CHKA: variants seen among roughly 807,000 people sequenced by gnomAD.
CHKA encodes choline kinase alpha, also known as CHETK-alpha.
CHKA carries 34 observed loss-of-function variants against 60.1 expected under a neutral mutation model. That is an observed-to-expected ratio of 0.57 (90% CI 0.43 to 0.75). CHKA has a LOEUF of 0.75. CHKA is among the 30% of genes least tolerant of loss of function. The probability of loss-of-function intolerance (pLI) is 0.00; values close to 1 mark genes in which losing one functional copy is unlikely to be tolerated. For missense variants in CHKA, 563 were observed against 561.3 expected, an observed-to-expected ratio of 1.00 and a Z score of -0.03; for synonymous variants, 217 against 223.1, an observed-to-expected ratio of 0.97 and a Z score of 0.24.
chr11:68,054,604 C>T (rs554576270), intron 11 of CHKA, among the ~76,000 whole-genome samples: 2 of 152,316 alleles, frequency 1.3e-5, no homozygotes, highest in Admixed American at 1.3e-4. Flanking sequence ...ACAACACAAT[C>T]TCAAAGACCC....
At chr11:68,111,492 T>C (rs1390177117) in intron 1 of CHKA, among the ~76,000 whole-genome samples, 1 of 151,022 alleles carries the variant, frequency 6.6e-6, no homozygotes, top group Non-Finnish European at 1.5e-5. Flanking sequence ...GGCATGAGAA[T>C]CACTTGAACC....
intron 3 of CHKA, among the ~76,000 whole-genome samples, chr11:68,076,944 G>A (rs1470331604): frequency 3.9e-5 from 6 of 152,188 alleles, no homozygotes. Context: ...GATTTGGAGA[G>A]GAAGAAAATG....
At chr11:68,092,440 A>C (rs548822413) in intron 2 of CHKA, among the ~76,000 whole-genome samples, 1 of 152,328 alleles carries the variant, frequency 6.6e-6, no homozygotes, top group Non-Finnish European at 1.5e-5. Context: ...ATCACAGCAA[A>C]AATAAATAAT....
intron 7 of CHKA, among the ~76,000 whole-genome samples, chr11:68,067,329 G>A (rs1856478009): frequency 6.6e-6 from 1 of 152,208 alleles, no homozygotes; most frequent in Non-Finnish European, 1.5e-5. Context: ...CAGAAAACGT[G>A]TATTGGCTCA....
intron 1 of CHKA, among the ~76,000 whole-genome samples, chr11:68,110,635 G>A (rs1858097004): frequency 6.6e-6 from 1 of 152,116 alleles, no homozygotes; most frequent in South Asian, 2.1e-4. Context: ...AACTTGATCT[G>A]TAGATTTAAT....
At chr11:68,073,802 G>A (rs1451535423) in intron 4 of CHKA, among the ~76,000 whole-genome samples, 1 of 152,150 alleles carries the variant, frequency 6.6e-6, no homozygotes, top group African/African-American at 2.4e-5. Flanking sequence ...GGGCAGCCCT[G>A]GACATGCCCA....
chr11:68,101,205 C>A (rs1857707597), intron 1 of CHKA, among the ~76,000 whole-genome samples: 1 of 151,984 alleles, frequency 6.6e-6, no homozygotes, highest in Non-Finnish European at 1.5e-5. Flanking sequence ...GTCTCAGCCC[C>A]CCAAAGTGCT....
At chr11:68,088,054 C>A (rs139378511) in intron 2 of CHKA, among the ~76,000 whole-genome samples, 3 of 138,602 alleles carry the variant, frequency 2.2e-5, no homozygotes, top group African/African-American at 8.1e-5. Context: ...CAGAGGTTGC[C>A]GCGAGCTAAG....
chr11:68,088,388 G>A (rs1331382802), intron 2 of CHKA, among the ~76,000 whole-genome samples: 2 of 151,930 alleles, frequency 1.3e-5, no homozygotes, highest in East Asian at 1.9e-4. Context: ...CTGTGGCTTC[G>A]GAGACCCTTA....
chr11:68,081,325 CT>C, intron 3 of CHKA, 78 bp downstream of exon 3: 1 of 1,179,432 alleles, frequency 8.5e-7, no homozygotes, highest in African/African-American at 1.5e-5. Context: ...ATAAGAGGCA[CT>C]GCCAAGCCCT....
At chr11:68,108,233 G>A (rs1365533636) in intron 1 of CHKA, among the ~76,000 whole-genome samples, 2 of 152,082 alleles carry the variant, frequency 1.3e-5, no homozygotes, top group African/African-American at 4.8e-5. Context: ...TGGGATGATC[G>A]CTTGAGCCCA....
intron 3 of CHKA, 45 bp downstream of exon 3, chr11:68,081,359 A>G (rs761923832): frequency 2.6e-6 from 4 of 1,535,384 alleles, no homozygotes; most frequent in Admixed American, 1.7e-5. Context: ...GGTGGCTAAC[A>G]CTAGTTCACA....
chr11:68,082,984 G>A (rs1350354804), intron 2 of CHKA, among the ~76,000 whole-genome samples: 8 of 152,168 alleles, frequency 5.3e-5, no homozygotes, highest in Admixed American at 1.3e-4. Flanking sequence ...TGTGGTAGGC[G>A]CTGGAAAGCT....
Position 68,053,927 on chromosome 11 carries a change from A to AC in CHKA, c.*60dup. On this transcript the variant is annotated 3_prime_UTR_variant, in exon 12 of 12. Coordinates refer to ENST00000265689, the MANE Select transcript of CHKA (RefSeq NM_001277.3). The stretch of plus-strand genomic sequence containing the variant: ...GAGCAGTAGTCGAAGCACAGAGGGG[A>AC]CCCCGCTCTGCTGCCTCCCCATGCA... The AC allele has an allele frequency of 6.8e-7, 1 of 1,470,498 alleles. No individual in the cohort carries two copies. Among genetic ancestry groups the AC allele is most frequent in the Non-Finnish European group, 9.5e-7 (1 of 1,055,652 alleles). 91.1% of individuals were successfully genotyped at this position (1,470,498 alleles called of 1,614,324 possible). A position where few individuals can be genotyped will look rare whatever the true frequency, so the allele number is the denominator to read the frequency against.
chr11:68,100,844 C>T (rs1389291107), intron 1 of CHKA, among the ~76,000 whole-genome samples: 1 of 151,560 alleles, frequency 6.6e-6, no homozygotes, highest in Admixed American at 6.6e-5. Context: ...TCACCCCTGC[C>T]CTCCAGACCC....
chr11:68,120,800 C>T, intron 1 of CHKA, 28 bp downstream of exon 1: 1 of 1,187,500 alleles, frequency 8.4e-7, no homozygotes, highest in Non-Finnish European at 1.1e-6. Flanking sequence ...CTGACTGTCC[C>T]GCGGCCCCCA....
chr11:68,113,148 A>T (rs1441335495), intron 1 of CHKA, among the ~76,000 whole-genome samples: 1 of 150,550 alleles, frequency 6.6e-6, no homozygotes, highest in Non-Finnish European at 1.5e-5. Flanking sequence ...ATTAAATTAA[A>T]ATTTTAAAAT....
chr11:68,091,564 C>T (rs749134004), intron 2 of CHKA, among the ~76,000 whole-genome samples: 116 of 152,178 alleles, frequency 7.6e-4, no homozygotes, highest in Non-Finnish European at 1.3e-3. Context: ...TCCGTCTCAT[C>T]TTAGATAGAA....
intron 7 of CHKA, among the ~76,000 whole-genome samples, chr11:68,066,934 T>C (rs537246703): frequency 6.6e-6 from 1 of 152,316 alleles, no homozygotes; most frequent in Non-Finnish European, 1.5e-5. Context: ...GCACTCCAGC[T>C]GGGAAGCTGT....
Sources: allele counts gnomAD v4.1 joint callset (sites outside exome capture counted in the v4.1 genomes callset), GRCh38; gene constraint gnomAD v4.1.1; transcripts MANE v1.5; gene names NCBI Gene and HGNC (gene_info 2026-07-23, HGNC 2026-07-21).